SLCO5A1: variants seen among roughly 807,000 people sequenced by gnomAD.
SLCO5A1 encodes solute carrier organic anion transporter family member 5A1.
Under a neutral mutation model 65.1 loss-of-function variants are expected in SLCO5A1, and 39 were observed. The ratio of observed to expected loss-of-function variants is 0.60; its 90% CI spans 0.46 to 0.78. The LOEUF (loss-of-function observed/expected upper bound fraction) is 0.78, where lower values mean the gene tolerates loss of function less well. Ranked by LOEUF, SLCO5A1 falls within the 30% of genes least tolerant of loss-of-function variation. The pLI is 0.00. For missense variants in SLCO5A1, 1,029 were observed against 1,069.4 expected, an observed-to-expected ratio of 0.96 and a Z score of 0.53; for synonymous variants, 438 against 415.7, an observed-to-expected ratio of 1.05 and a Z score of -0.65.
chr8:69,812,622 AAAGT>A (rs1820254489), intron 2 of SLCO5A1, among the ~76,000 whole-genome samples: 1 of 152,246 alleles, frequency 6.6e-6, no homozygotes, highest in South Asian at 2.1e-4. Flanking sequence ...AAAAGGAAAG[AAAGT>A]GTGTACAGAG....
intron 8 of SLCO5A1, among the ~76,000 whole-genome samples, chr8:69,677,733 A>G (rs941312558): frequency 6.6e-6 from 1 of 152,252 alleles, no homozygotes; most frequent in Non-Finnish European, 1.5e-5. Flanking sequence ...TGCCTGATTC[A>G]GCACCAAGTG....
At position 69,671,294 on chromosome 8, in the gene SLCO5A1, G is replaced by A. The variant is rs1813322468; in HGVS notation, c.*1575C>T. ...AGTCAAGCAAGGTTGGAGAGCAGAA[G>A]CCTGAATCATGGAACAGTCTGTCAA... On this transcript the variant is annotated 3_prime_UTR_variant, in exon 10 of 10. Transcript: ENST00000260126. 3 of 152,270 alleles carry A rather than the reference G, an allele frequency of 2.0e-5. No homozygotes were observed. The South Asian group carries it at 6.2e-4, about 32-fold the overall frequency. The allele number at this position is 152,270 out of a possible 1,614,324, so 9.4% of individuals were successfully genotyped here.
At chr8:69,679,783 T>A (rs1297602217) in intron 7 of SLCO5A1, among the ~76,000 whole-genome samples, 164 bp from the exon 8 acceptor site, 1 of 152,180 alleles carries the variant, frequency 6.6e-6, no homozygotes, top group South Asian at 2.1e-4. Flanking sequence ...ACAGTAAGGA[T>A]CTCAAGTGTG....
chr8:69,718,941 T>A (rs1413490669), intron 5 of SLCO5A1, among the ~76,000 whole-genome samples: 1 of 152,088 alleles, frequency 6.6e-6, no homozygotes, highest in Non-Finnish European at 1.5e-5. Context: ...AACTGAGGGA[T>A]CCTGGATAAA....
intron 2 of SLCO5A1, among the ~76,000 whole-genome samples, chr8:69,822,322 G>A (rs1820681894): frequency 6.6e-6 from 1 of 152,026 alleles, no homozygotes; most frequent in Non-Finnish European, 1.5e-5. Flanking sequence ...TATACTAGGT[G>A]CAAATATGCA....
intron 5 of SLCO5A1, chr8:69,713,273 CT>C (rs1206939205): frequency 6.6e-5 from 10 of 152,194 alleles, no homozygotes; most frequent in Admixed American, 6.5e-4. Context: ...TTCTTAAGTT[CT>C]GTTGAAAATA....
At chr8:69,717,581 C>T (rs1179990396) in intron 5 of SLCO5A1, among the ~76,000 whole-genome samples, 1 of 152,140 alleles carries the variant, frequency 6.6e-6, no homozygotes, top group Non-Finnish European at 1.5e-5. Flanking sequence ...ATACTCAGTA[C>T]CTTACATTTC....
chr8:69,709,834 G>C (rs1057103209), intron 5 of SLCO5A1, among the ~76,000 whole-genome samples: 2 of 151,980 alleles, frequency 1.3e-5, no homozygotes, highest in African/African-American at 4.8e-5. Context: ...GGGTAATATG[G>C]GTCCAGACAA....
chr8:69,801,600 C>A (rs184933821), intron 2 of SLCO5A1, among the ~76,000 whole-genome samples: 4 of 152,168 alleles, frequency 2.6e-5, no homozygotes, highest in Non-Finnish European at 4.4e-5. Context: ...GTTTTACATT[C>A]TCTGACAGAT....
At chr8:69,820,135 C>G (rs993194658) in intron 2 of SLCO5A1, among the ~76,000 whole-genome samples, 16 of 152,222 alleles carry the variant, frequency 1.1e-4, no homozygotes, top group African/African-American at 3.9e-4. Context: ...TTCTCAAAAT[C>G]ACGTTAACTG....
intron 2 of SLCO5A1, among the ~76,000 whole-genome samples, chr8:69,762,350 C>CTAATTTTTT (rs1167374730): frequency 6.6e-6 from 1 of 151,962 alleles, no homozygotes; most frequent in East Asian, 1.9e-4. Context: ...CCACACCCAG[C>CTAATTTTTT]TAATTTTTTG....
intron 2 of SLCO5A1, among the ~76,000 whole-genome samples, chr8:69,811,162 A>T (rs1820189091): frequency 6.6e-6 from 1 of 152,128 alleles, no homozygotes; most frequent in Non-Finnish European, 1.5e-5. Context: ...ACACAACCAG[A>T]TCTTGCTGGT....
At chr8:69,699,107 AC>A (rs529590225) in intron 6 of SLCO5A1, among the ~76,000 whole-genome samples, 94 of 152,340 alleles carry the variant, frequency 6.2e-4, no homozygotes, top group Admixed American at 2.4e-3. Flanking sequence ...GGACAGTAAC[AC>A]AAGAAAGATA....
At chr8:69,802,961 G>T (rs1031092868) in intron 2 of SLCO5A1, among the ~76,000 whole-genome samples, 15 of 152,164 alleles carry the variant, frequency 9.9e-5, no homozygotes, top group Admixed American at 8.5e-4. Flanking sequence ...CAGCAGGAAT[G>T]AGTAAATATT....
At chr8:69,730,868 A>G (rs1382778103) in intron 5 of SLCO5A1, among the ~76,000 whole-genome samples, 4 of 152,228 alleles carry the variant, frequency 2.6e-5, no homozygotes, top group Non-Finnish European at 4.4e-5. Context: ...AACTGGTTAC[A>G]TAGCAGGAAT....
chr8:69,690,955 A>G (rs1446256339), intron 6 of SLCO5A1, among the ~76,000 whole-genome samples: 1 of 152,270 alleles, frequency 6.6e-6, no homozygotes, highest in Non-Finnish European at 1.5e-5. Context: ...GTGATTCATC[A>G]GCACATAGCA....
intron 2 of SLCO5A1, among the ~76,000 whole-genome samples, chr8:69,828,276 TAA>T (rs57458834): frequency 1.3e-4 from 17 of 131,778 alleles, no homozygotes; most frequent in African/African-American, 5.4e-4. Flanking sequence ...TTTTTTTTTT[TAA>T]AAAAAAAGCA....
intron 2 of SLCO5A1, among the ~76,000 whole-genome samples, chr8:69,767,186 G>A (rs574980762): frequency 6.6e-6 from 1 of 152,088 alleles, no homozygotes; most frequent in Non-Finnish European, 1.5e-5. Flanking sequence ...TGTCCTTCCT[G>A]CACCCCATTG....
chr8:69,828,691 C>A (rs1214740493), intron 2 of SLCO5A1, among the ~76,000 whole-genome samples: 1 of 152,224 alleles, frequency 6.6e-6, no homozygotes, highest in African/African-American at 2.4e-5. Flanking sequence ...TCACTTTCCA[C>A]CCCTACCTTG....
Sources: gnomAD v4.1 joint callset for allele counts (sites outside exome capture counted in the v4.1 genomes callset) on GRCh38, gnomAD v4.1.1 for gene constraint, MANE v1.5 for transcripts, NCBI Gene and HGNC (gene_info 2026-07-23, HGNC 2026-07-21) for gene names.